LRBA: variants seen among roughly 807,000 people sequenced by gnomAD.
LRBA encodes LPS responsive beige-like anchor protein.
LRBA carries 176 observed loss-of-function variants against 330.0 expected under a neutral mutation model. That is an observed-to-expected ratio of 0.53 (90% CI 0.47 to 0.60). LRBA has a LOEUF of 0.60. Among genes scored for constraint, LRBA ranks in the 20% least tolerant of loss-of-function variants. LRBA has a pLI of 0.00. For synonymous variants in LRBA, 1,230 were observed against 1,193.0 expected (o/e 1.03, Z -0.64); for missense variants, 3,259 against 3,444.8 (o/e 0.95, Z 1.35).
Position 150,537,602 on chromosome 4 carries a change from C to T in LRBA, c.6331-46567G>A, listed in dbSNP as rs182175848. On this transcript the variant is annotated intron_variant, in intron 40 of 56. Coordinates refer to ENST00000651943, the MANE Select transcript of LRBA (RefSeq NM_001364905.1). ...TATGCATCTGACAAAGGCCTAATAT[C>T]CAGAATCTATAGGAAACTTCATTCA... Among the ~76,000 whole-genome samples, 188 of 152,268 alleles carry T rather than the reference C, an allele frequency of 1.2e-3. 4 individuals are homozygous for T. The highest frequency in any genetic ancestry group is 4.4e-3 in the African/African-American group (184 of 41,572).
chr4:150,806,796 T>A (rs1742862112), intron 32 of LRBA, among the ~76,000 whole-genome samples: 1 of 152,074 alleles, frequency 6.6e-6, no homozygotes, highest in South Asian at 2.1e-4. Context: ...GACTTCATTT[T>A]AAAATTCACA....
intron 37 of LRBA, among the ~76,000 whole-genome samples, chr4:150,633,064 C>T (rs904668056): frequency 5.3e-5 from 8 of 152,090 alleles, no homozygotes; most frequent in Non-Finnish European, 1.2e-4. Flanking sequence ...AGTTCTAGAG[C>T]CATATATCTA....
chr4:150,993,400 CT>C (rs1742307298), intron 2 of LRBA, among the ~76,000 whole-genome samples: 1 of 152,076 alleles, frequency 6.6e-6, no homozygotes, highest in East Asian at 1.9e-4. Context: ...CCAAATTTGT[CT>C]TTAAAAAGCA....
At chr4:150,737,109 T>A (rs1731281380) in intron 35 of LRBA, among the ~76,000 whole-genome samples, 1 of 152,034 alleles carries the variant, frequency 6.6e-6, no homozygotes, top group African/African-American at 2.4e-5. Context: ...TCCCAGCTAC[T>A]CAGGAGCCTG....
intron 56 of LRBA, among the ~76,000 whole-genome samples, chr4:150,277,257 C>T (rs546875761): frequency 4.5e-5 from 5 of 110,142 alleles, no homozygotes; most frequent in South Asian, 6.5e-4. Context: ...ACATCACATA[C>T]GGGGGCCTGT....
In LRBA at chr4:150,520,432, T is replaced by C. The variant is rs565739336; in HGVS notation, c.6331-29397A>G. ...AATATTTTGTAGTTTTCAGTGGGCT[T>C]ACAGATATTTCAACAAATTATTCCT... On this transcript the variant is annotated intron_variant, in intron 40 of 56. Coordinates refer to ENST00000651943, the MANE Select transcript of LRBA (RefSeq NM_001364905.1). Among the ~76,000 whole-genome samples the C allele has an allele frequency of 3.9e-5, 6 of 152,292 alleles. No homozygotes were observed. In the South Asian group the frequency reaches 6.2e-4, roughly 16 times the overall value.
At chr4:150,362,039 T>C (rs1320473661) in intron 47 of LRBA, among the ~76,000 whole-genome samples, 5 of 152,204 alleles carry the variant, frequency 3.3e-5, no homozygotes, top group Admixed American at 3.3e-4. Flanking sequence ...CCCAAAGTGC[T>C]GGGATTACAG....
chr4:150,829,037 C>T (rs1168214514), intron 29 of LRBA, among the ~76,000 whole-genome samples: 3 of 151,610 alleles, frequency 2.0e-5, no homozygotes, highest in African/African-American at 4.8e-5. Flanking sequence ...TGGGCTCAGG[C>T]GATCCTCCCA....
At chr4:150,482,463 C>T (rs1388169360) in intron 42 of LRBA, among the ~76,000 whole-genome samples, 2 of 151,942 alleles carry the variant, frequency 1.3e-5, no homozygotes, top group Non-Finnish European at 2.9e-5. Context: ...TGGTTATTTC[C>T]AATTTTTGTG....
intron 47 of LRBA, among the ~76,000 whole-genome samples, chr4:150,351,242 A>G (rs1737110736): frequency 6.6e-6 from 1 of 152,244 alleles, no homozygotes; most frequent in African/African-American, 2.4e-5. Flanking sequence ...TTTAAAAACT[A>G]AAGATATTTT....
intron 44 of LRBA, among the ~76,000 whole-genome samples, chr4:150,451,428 G>C (rs918464185): frequency 6.6e-6 from 1 of 152,050 alleles, no homozygotes; most frequent in Admixed American, 6.6e-5. Flanking sequence ...CAAATACATG[G>C]TAACTAAACA....
chr4:150,817,137 TC>T lies in LRBA; in HGVS notation c.5291del (p.Gly1764GlufsTer31). The T allele has an allele frequency of 6.2e-7, 1 of 1,611,872 alleles. No individual in the cohort carries two copies. The highest frequency in any genetic ancestry group is 8.5e-7 in the Non-Finnish European group (1 of 1,178,510). Reference protein sequence around the residue: ...SVDSAQASDMGGESPGSRSSN... With the variant: ...SVDSAQASDMXGESPGSRSSN... ...TAACTAACTCACCTGGTGATTCTCC[TC>T]CCATATCTGAGGCTTGGGCTGAATC... is the stretch of plus-strand genomic sequence containing the variant. On this transcript the variant is annotated frameshift_variant, in exon 31 of 57. Transcript: ENST00000651943. LOFTEE classifies it high-confidence loss of function.
At chr4:150,441,782 GTATTTA>G (rs75196253) in intron 44 of LRBA, among the ~76,000 whole-genome samples, 32,836 of 151,762 alleles carry the variant, frequency 0.22, 4,320 homozygotes, top group Non-Finnish European at 0.3. Flanking sequence ...GCCATGTTAT[GTATTTA>G]TATTTAAAAC....
chr4:150,516,215 CTCTTTTTTT>C (rs1161627675), intron 40 of LRBA, among the ~76,000 whole-genome samples: 2 of 86,712 alleles, frequency 2.3e-5, no homozygotes, highest in East Asian at 7.3e-4. Context: ...ATTTTCTATT[CTCTTTTTTT>C]TTTTTTTTTT....
chr4:150,470,863 A>C (rs1561223423), intron 43 of LRBA, among the ~76,000 whole-genome samples: 1 of 125,962 alleles, frequency 7.9e-6, no homozygotes, highest in East Asian at 2.5e-4. Context: ...ACACACACAC[A>C]CACACACACA....
At chr4:150,716,443 C>T (rs1437196704) in intron 36 of LRBA, among the ~76,000 whole-genome samples, 1 of 152,086 alleles carries the variant, frequency 6.6e-6, no homozygotes, top group Non-Finnish European at 1.5e-5. Flanking sequence ...GCATTACCTT[C>T]GCAACTTGTT....
chr4:150,577,544 G>A (rs971741101), intron 40 of LRBA, among the ~76,000 whole-genome samples: 2 of 152,004 alleles, frequency 1.3e-5, no homozygotes, highest in South Asian at 2.1e-4. Context: ...CAGTAAACAC[G>A]TGGTCCTTTG....
rs1334192491 is a variant in LRBA at position 150,373,333 on chromosome 4, A to C, written c.7195-23174T>G. ...TGAGTAATTTATTACATAGCAACAA[A>C]CAACCAATACAACTCCTGGTCCATA... On this transcript the variant is annotated intron_variant, in intron 47 of 56. Transcript: ENST00000651943. 2.6e-5 allele frequency among the ~76,000 whole-genome samples: 4 copies of C among 152,258 alleles called. No individual in the cohort carries two copies. In the East Asian group the frequency reaches 5.8e-4, roughly 22 times the overall value.
intron 7 of LRBA, among the ~76,000 whole-genome samples, 170 bp from the exon 8 acceptor site, chr4:150,915,897 C>T (rs937311196): frequency 1.3e-5 from 2 of 152,044 alleles, no homozygotes; most frequent in African/African-American, 4.8e-5. Flanking sequence ...TATTCATGGG[C>T]CTTTCAACTG....
Sources: gnomAD v4.1 joint callset for allele counts (sites outside exome capture counted in the v4.1 genomes callset) on GRCh38, gnomAD v4.1.1 for gene constraint, MANE v1.5 for transcripts, NCBI Gene and HGNC (gene_info 2026-07-23, HGNC 2026-07-21) for gene names.